Variants in ZC3H3 observed in about 807,000 individuals in gnomAD.
The protein encoded by ZC3H3 is zinc finger CCCH domain-containing protein 3.
A neutral mutation model predicts 77.3 loss-of-function variants in ZC3H3; 36 were observed. The observed-to-expected ratio is 0.47, with a 90% CI of 0.36 to 0.61. The LOEUF is 0.61. ZC3H3 is among the 20% of genes least tolerant of loss of function. The pLI is 0.00. For synonymous variants in ZC3H3, 626 were observed against 555.2 expected (o/e 1.13, Z -1.79); for missense variants, 1,331 against 1,312.2 (o/e 1.01, Z -0.22).
intron 9 of ZC3H3, among the ~76,000 whole-genome samples, chr8:143,453,623 C>T (rs1228732092): frequency 6.6e-6 from 1 of 152,086 alleles, no homozygotes; most frequent in Non-Finnish European, 1.5e-5. Context: ...GGTTAAAGTT[C>T]TCCAAACAAA....
intron 9 of ZC3H3, among the ~76,000 whole-genome samples, chr8:143,463,315 G>C (rs568344712): frequency 1.3e-5 from 2 of 152,268 alleles, no homozygotes; most frequent in East Asian, 1.9e-4. Flanking sequence ...CACCCATAAG[G>C]AGCCAGGAGC....
At position 143,440,157 on chromosome 8, in the gene ZC3H3, G is replaced by A. The variant is rs142508755; in HGVS notation, c.2699C>T (p.Ala900Val). ...APSLQEAALA[A>V]ACSNRLCKLP... ...CTTGCAGAGCCTGTTGGAGCACGCT[G>A]CTGCTAAGGCAGCCTCCTGGAGAGA... Residue 900 changes from alanine (A) to valine (V), a missense_variant, in exon 11 of 12, where the codon GCA becomes GTA. Ala to Val is a moderately conservative substitution (Grantham distance 64). Around this residue, in one of 3 missense-constraint regions of ZC3H3, gnomAD observed 249 missense variants for 236.9 expected, o/e 1.05. Transcript: ENST00000262577. 7.2e-5 allele frequency: 116 copies of A among 1,611,952 alleles called. No homozygotes were observed. The highest frequency in any genetic ancestry group is 9.3e-5 in the Non-Finnish European group (110 of 1,179,746).
At chr8:143,539,406 T>C (rs1261485324) in intron 1 of ZC3H3, 86 bp from the exon 2 acceptor site, 1 of 1,308,564 alleles carries the variant, frequency 7.6e-7, no homozygotes, top group Non-Finnish European at 1.0e-6. Flanking sequence ...GCTGGCAAGA[T>C]ACCCCCAGAT....
chr8:143,522,275 C>T (rs1328540202), intron 3 of ZC3H3, among the ~76,000 whole-genome samples: 3 of 152,224 alleles, frequency 2.0e-5, no homozygotes, highest in African/African-American at 7.2e-5. Flanking sequence ...GACTCCCTGA[C>T]CTCACTACAG....
intron 4 of ZC3H3, among the ~76,000 whole-genome samples, chr8:143,506,217 T>C (rs1411909089): frequency 6.6e-6 from 1 of 152,246 alleles, no homozygotes; most frequent in Admixed American, 6.5e-5. Context: ...GAGGCCCTGC[T>C]GGGTCCGCCC....
intron 1 of ZC3H3, among the ~76,000 whole-genome samples, chr8:143,540,328 G>C (rs1252713336): frequency 6.6e-6 from 1 of 152,048 alleles, no homozygotes; most frequent in Non-Finnish European, 1.5e-5. Context: ...GGACCTCCAG[G>C]GCACAAGCAA....
At chr8:143,456,512 G>C (rs1202573939) in intron 9 of ZC3H3, among the ~76,000 whole-genome samples, 1 of 152,086 alleles carries the variant, frequency 6.6e-6, no homozygotes, top group East Asian at 1.9e-4. Flanking sequence ...ATTAATATCA[G>C]AAAAAGATGA....
At position 143,465,835 on chromosome 8, in the gene ZC3H3, G is replaced by A; in HGVS notation, c.2189C>T (p.Ser730Phe). The change falls in exon 9 of 12, where the codon TCC (serine) becomes TTC (phenylalanine). Residue 730 changes from serine (S) to phenylalanine (F), a missense_variant. This residue lies in a region of ZC3H3 where 104 missense variants were observed against 159.7 expected (regional missense o/e 0.65). Transcript: ENST00000262577. The stretch of plus-strand genomic sequence containing the variant: ...GCTGCAGATGCCCTTCAGGAAGTAG[G>A]AGCACACCGGCATCTGCAGGGAGGG... ...HVSKEKMPVC[S>F]YFLKGICSNS... The A allele has an allele frequency of 6.2e-7, 1 of 1,611,880 alleles. No individual in the cohort carries two copies.
intron 4 of ZC3H3, among the ~76,000 whole-genome samples, chr8:143,491,246 G>A (rs758226638): frequency 5.3e-5 from 8 of 152,168 alleles, no homozygotes; most frequent in East Asian, 1.9e-4. Flanking sequence ...CTCCCTCCCC[G>A]AAGGTCCTTG....
intron 9 of ZC3H3, among the ~76,000 whole-genome samples, chr8:143,463,090 TCTC>T (rs2129857611): frequency 6.6e-6 from 1 of 151,618 alleles, no homozygotes; most frequent in East Asian, 1.9e-4. Flanking sequence ...TTCCAGCAAT[TCTC>T]CTGCCTCAGC....
intron 3 of ZC3H3, chr8:143,523,472 C>A (rs1822315909): frequency 1.0e-6 from 1 of 985,424 alleles, no homozygotes; most frequent in Non-Finnish European, 1.2e-6. Flanking sequence ...TTGGAAGACA[C>A]TCCCCGCTGC....
intron 3 of ZC3H3, among the ~76,000 whole-genome samples, chr8:143,516,791 G>C (rs1420902880): frequency 6.6e-6 from 1 of 152,208 alleles, no homozygotes; most frequent in Non-Finnish European, 1.5e-5. Flanking sequence ...TCGCGTCCCT[G>C]GGACGCAGCC....
chr8:143,480,498 G>C (rs1820878921), intron 4 of ZC3H3, among the ~76,000 whole-genome samples: 1 of 152,224 alleles, frequency 6.6e-6, no homozygotes. Flanking sequence ...CATTGATCCT[G>C]GGCACAGATG....
intron 3 of ZC3H3, among the ~76,000 whole-genome samples, chr8:143,520,812 C>T (rs144575318): frequency 1.8e-4 from 27 of 152,344 alleles, no homozygotes; most frequent in African/African-American, 6.3e-4. Flanking sequence ...TGATTTCCCA[C>T]TGACAGGCAG....
At chr8:143,446,356 A>G (rs888887903) in intron 9 of ZC3H3, among the ~76,000 whole-genome samples, 14 of 152,370 alleles carry the variant, frequency 9.2e-5, no homozygotes, top group African/African-American at 2.9e-4. Flanking sequence ...AACACGTCAC[A>G]AAGAAATGCA....
At position 143,494,630 on chromosome 8, in the gene ZC3H3, AG is replaced by A. The variant is rs1289483056; in HGVS notation, c.1715+13115del. Among the ~76,000 whole-genome samples the A allele has an allele frequency of 6.6e-6, 1 of 151,500 alleles. No homozygotes were observed. Among genetic ancestry groups the A allele is most frequent in the Non-Finnish European group, 1.5e-5 (1 of 67,912 alleles). On this transcript the variant is annotated intron_variant, in intron 4 of 11. Transcript: ENST00000262577. The surrounding 1 kb of genome is among the most constrained non-coding windows in gnomAD (Gnocchi z 5.3). ...CAGGAGGGAAGCGGCAGGTCGGGGGAGGGGGGTGCTGTGGGCAGACACACGA... is the reference window on the plus strand; with the variant it reads ...CAGGAGGGAAGCGGCAGGTCGGGGGAGGGGGTGCTGTGGGCAGACACACGA...
chr8:143,485,920 C>T (rs1000583464), intron 4 of ZC3H3, among the ~76,000 whole-genome samples: 7 of 152,268 alleles, frequency 4.6e-5, no homozygotes, highest in Admixed American at 6.5e-5. Flanking sequence ...ATGGCAAGAA[C>T]AGGAGACACG....
intron 3 of ZC3H3, chr8:143,523,323 G>A (rs1822309695): frequency 2.0e-6 from 2 of 985,322 alleles, no homozygotes; most frequent in South Asian, 9.4e-5. Context: ...CTCACCTGCA[G>A]CGCCAGCGGC....
intron 5 of ZC3H3, among the ~76,000 whole-genome samples, chr8:143,469,588 G>C (rs1820507013): frequency 6.6e-6 from 1 of 152,236 alleles, no homozygotes. Flanking sequence ...CGGCCTGGGA[G>C]GGCGGCCTGG....
Sources: allele counts gnomAD v4.1 joint callset (sites outside exome capture counted in the v4.1 genomes callset), GRCh38; gene constraint gnomAD v4.1.1; regional missense constraint gnomAD v4.1.1; non-coding constraint Gnocchi (gnomAD v3.1); transcripts MANE v1.5; gene names NCBI Gene and HGNC (gene_info 2026-07-23, HGNC 2026-07-21).